SNCAIP: variants seen among roughly 807,000 people sequenced by gnomAD.
SNCAIP encodes the protein synuclein alpha interacting protein.
In SNCAIP, 43 loss-of-function variants were observed where a neutral mutation model predicts 86.7. The observed-to-expected ratio is 0.50, with a 90% CI of 0.39 to 0.64. The LOEUF (loss-of-function observed/expected upper bound fraction) is 0.64, where lower values mean the gene tolerates loss of function less well. SNCAIP is among the 30% of genes least tolerant of loss of function. SNCAIP has a pLI of 0.00. For missense variants in SNCAIP, 981 were observed against 1,103.1 expected, an observed-to-expected ratio of 0.89 and a Z score of 1.57; for synonymous variants, 417 against 427.2, an observed-to-expected ratio of 0.98 and a Z score of 0.29.
chr5:122,424,707 T>A (rs903962523), intron 4 of SNCAIP, among the ~76,000 whole-genome samples: 1 of 152,238 alleles, frequency 6.6e-6, no homozygotes, highest in African/African-American at 2.4e-5. Context: ...GTCCTTCTCA[T>A]GTTTTCATGT....
At chr5:122,359,057 T>C (rs1285912175) in intron 1 of SNCAIP, among the ~76,000 whole-genome samples, 1 of 152,182 alleles carries the variant, frequency 6.6e-6, no homozygotes, top group East Asian at 1.9e-4. Context: ...ATACTTTATA[T>C]AAGGTTTTCA....
At position 122,461,865 on chromosome 5, in the gene SNCAIP, C is replaced by T. The variant is rs188729088; in HGVS notation, c.2755-1626C>T. Among the ~76,000 whole-genome samples, 30 of 152,116 alleles carry T rather than the reference C, an allele frequency of 2.0e-4. No homozygotes were observed. The East Asian group carries it at 3.1e-3, about 16-fold the overall frequency. On this transcript the variant is annotated intron_variant, in intron 10 of 10. Transcript: ENST00000261368. The stretch of plus-strand genomic sequence containing the variant: ...TGTATTTTTGGTAGAGACAGGGTTT[C>T]GCCATGTTGGCCAAGCTGGTCTCGA...
chr5:122,422,187 A>G (rs1217816115), intron 3 of SNCAIP, among the ~76,000 whole-genome samples: 1 of 152,102 alleles, frequency 6.6e-6, no homozygotes, highest in Non-Finnish European at 1.5e-5. Flanking sequence ...GCACCATGAA[A>G]TGTTGCTGCA....
intron 2 of SNCAIP, among the ~76,000 whole-genome samples, chr5:122,398,431 C>G (rs1388426325): frequency 2.6e-5 from 4 of 152,082 alleles, no homozygotes. Context: ...GAAGGGCAGG[C>G]CTTTAGAGGG....
rs1288862671 is a variant in SNCAIP, at chr5:122,423,272, G to A, written c.535G>A (p.Gly179Ser). The change falls in exon 4 of 11, where the codon GGC (glycine) becomes AGC (serine). Residue 179 changes from glycine to serine, a missense_variant. Coordinates refer to ENST00000261368, the MANE Select transcript of SNCAIP (RefSeq NM_005460.4). Reference sequence around the variant, plus strand: ...GGTGACTTCAGAAAAAAGAATTTTGGGCTTATGCACAACCATCAATGGCCT... The same window carrying A: ...GGTGACTTCAGAAAAAAGAATTTTGAGCTTATGCACAACCATCAATGGCCT... ...TKVTSEKRIL[G>S]LCTTINGLSG... 1 of 1,614,054 alleles carries A rather than the reference G, an allele frequency of 6.2e-7. No individual in the cohort carries two copies. The highest frequency in any genetic ancestry group is 8.5e-7 in the Non-Finnish European group (1 of 1,180,006).
Position 122,426,516 on chromosome 5 carries a change from T to C in SNCAIP, c.1182+985T>C, listed in dbSNP as rs557446562. 3.3e-5 allele frequency among the ~76,000 whole-genome samples: 5 copies of C among 152,294 alleles called. No homozygotes were observed. The East Asian group carries it at 9.6e-4, about 29-fold the overall frequency. ...TTTTTAATTTGATGATTCAGCAAAG[T>C]TTTATACATTAAAAAATAATTTCCA... On this transcript the variant is annotated intron_variant, in intron 5 of 10. Transcript: ENST00000261368.
rs770373340 is a variant in SNCAIP, at chr5:122,450,531, A to T, written c.1686-2A>T. The T allele has an allele frequency of 6.8e-6, 11 of 1,607,266 alleles. No individual in the cohort carries two copies. The African/African-American group carries it at 1.3e-4, about 20-fold the overall frequency. On this transcript the variant is annotated splice_acceptor_variant, in intron 9 of 10. Transcript: ENST00000261368. LOFTEE classifies it high-confidence loss of function. ...CTCATATGTCCTTCATCTTCTTTTT[A>T]GTTCACCATCCTCACCTGCCTCCAG...
intron 1 of SNCAIP, among the ~76,000 whole-genome samples, chr5:122,352,232 T>G (rs910195318): frequency 2.3e-4 from 35 of 152,206 alleles, no homozygotes; most frequent in Non-Finnish European, 7.3e-5. Flanking sequence ...ACTGCTTGCC[T>G]AAAAGTCTCA....
chr5:122,448,995 A>G (rs304377), intron 8 of SNCAIP, among the ~76,000 whole-genome samples: 145,042 of 150,754 alleles, frequency 0.96, 69,812 homozygotes, highest in East Asian at 1. Flanking sequence ...CGGCCTGGGC[A>G]AAAGAGCAAG....
At chr5:122,370,850 T>C (rs541433306) in intron 1 of SNCAIP, among the ~76,000 whole-genome samples, 31 of 152,222 alleles carry the variant, frequency 2.0e-4, no homozygotes, top group Non-Finnish European at 2.4e-4. Context: ...CTATCATGCA[T>C]GTAGAAAGTC....
At chr5:122,379,934 C>G (rs1230398369) in intron 1 of SNCAIP, among the ~76,000 whole-genome samples, 2 of 152,030 alleles carry the variant, frequency 1.3e-5, no homozygotes, top group African/African-American at 4.8e-5. Flanking sequence ...TTGCTGGATT[C>G]GGTTTGCCAG....
At chr5:122,327,213 GA>G (rs1754287360) in intron 1 of SNCAIP, among the ~76,000 whole-genome samples, 1 of 152,032 alleles carries the variant, frequency 6.6e-6, no homozygotes, top group Non-Finnish European at 1.5e-5. Context: ...CAGTTGTGTT[GA>G]CATGAGTACC....
chr5:122,329,181 A>G (rs917691523), intron 1 of SNCAIP, among the ~76,000 whole-genome samples: 3 of 152,074 alleles, frequency 2.0e-5, no homozygotes, highest in African/African-American at 4.8e-5. Flanking sequence ...ATTGTATACC[A>G]GACAAGGTGC....
intron 1 of SNCAIP, among the ~76,000 whole-genome samples, chr5:122,343,400 A>T (rs189463125): frequency 6.7e-5 from 10 of 148,768 alleles, no homozygotes; most frequent in African/African-American, 2.2e-4. Flanking sequence ...AGAACTGGAG[A>T]TTGTTCAGAT....
chr5:122,455,066 C>A (rs1784459411), intron 10 of SNCAIP, among the ~76,000 whole-genome samples: 1 of 152,130 alleles, frequency 6.6e-6, no homozygotes, highest in African/African-American at 2.4e-5. Context: ...CTTAGAAACC[C>A]CAAAATAAAA....
chr5:122,390,232 C>T (rs989083641), intron 1 of SNCAIP, among the ~76,000 whole-genome samples: 1 of 152,134 alleles, frequency 6.6e-6, no homozygotes, highest in Non-Finnish European at 1.5e-5. Context: ...TGAGAGTTGG[C>T]GCTGCAGAAG....
chr5:122,449,015 CA>C (rs1218805948), intron 8 of SNCAIP, among the ~76,000 whole-genome samples: 27 of 140,468 alleles, frequency 1.9e-4, no homozygotes, highest in Admixed American at 2.9e-4. Flanking sequence ...GACTCCGACT[CA>C]AAAAAAAAAA....
chr5:122,410,851 T>G (rs1773975268), intron 3 of SNCAIP, among the ~76,000 whole-genome samples: 1 of 152,098 alleles, frequency 6.6e-6, no homozygotes, highest in African/African-American at 2.4e-5. Flanking sequence ...AAGAAAATAA[T>G]TAAAAGGGCT....
In SNCAIP at chr5:122,462,070, A is replaced by G. The variant is rs202151667; in HGVS notation, c.2755-1421A>G. Among the ~76,000 whole-genome samples, 11 of 152,288 alleles carry G rather than the reference A, an allele frequency of 7.2e-5. No homozygotes were observed. The East Asian group carries it at 2.1e-3, about 29-fold the overall frequency. ...ACAATAAAGGTGTCGCACTGTACAC[A>G]CAGTTTTGTTTCTTGCTTTTTTTTA... On this transcript the variant is annotated intron_variant, in intron 10 of 10. Transcript: ENST00000261368.
Sources: allele counts gnomAD v4.1 joint callset (sites outside exome capture counted in the v4.1 genomes callset), GRCh38; gene constraint gnomAD v4.1.1; transcripts MANE v1.5; gene names NCBI Gene and HGNC (gene_info 2026-07-23, HGNC 2026-07-21).